CFAP20DC: variants seen among roughly 807,000 people sequenced by gnomAD.
CFAP20DC encodes CFAP20 domain containing, also known as protein CFAP20DC.
In CFAP20DC, 84 loss-of-function variants were observed where a neutral mutation model predicts 101.7. The observed-to-expected ratio is 0.83, with a 90% CI of 0.69 to 0.99. The LOEUF is 0.99. Among genes scored for constraint, CFAP20DC ranks in the 50% least tolerant of loss-of-function variants. The pLI is 0.00. For synonymous variants in CFAP20DC, 359 were observed against 351.2 expected (o/e 1.02, Z -0.25); for missense variants, 1,007 against 970.3 (o/e 1.04, Z -0.50).
At chr3:58,755,049 A>G (rs1382301672) in intron 15 of CFAP20DC, among the ~76,000 whole-genome samples, 2 of 152,176 alleles carry the variant, frequency 1.3e-5, no homozygotes, top group Non-Finnish European at 2.9e-5. Context: ...TGTTGGAACT[A>G]AACCGGTAAA....
At chr3:59,030,455 C>G (rs548575982) in intron 4 of CFAP20DC, among the ~76,000 whole-genome samples, 1 of 152,178 alleles carries the variant, frequency 6.6e-6, no homozygotes, top group African/African-American at 2.4e-5. Context: ...TGATAAATTC[C>G]CAAGGTCAGG....
At chr3:58,855,719 G>A (rs1575960295) in intron 12 of CFAP20DC, among the ~76,000 whole-genome samples, 1 of 151,456 alleles carries the variant, frequency 6.6e-6, no homozygotes, top group Non-Finnish European at 1.5e-5. Context: ...ATCATTCTCA[G>A]TAAACTATCA....
At chr3:59,025,231 A>G (rs1478013102) in intron 4 of CFAP20DC, among the ~76,000 whole-genome samples, 2 of 152,206 alleles carry the variant, frequency 1.3e-5, no homozygotes, top group Non-Finnish European at 2.9e-5. Flanking sequence ...AACAACAGCA[A>G]TCACTTTTTT....
At chr3:58,908,987 G>A (rs1446027206) in intron 6 of CFAP20DC, among the ~76,000 whole-genome samples, 1 of 152,112 alleles carries the variant, frequency 6.6e-6, no homozygotes, top group African/African-American at 2.4e-5. Context: ...TGGTTGCCAG[G>A]GGTTAGGGGA....
chr3:58,745,700 C>CTATA (rs1223535535), intron 16 of CFAP20DC, among the ~76,000 whole-genome samples: 2 of 152,112 alleles, frequency 1.3e-5, no homozygotes, highest in Non-Finnish European at 2.9e-5. Flanking sequence ...GAACTATAGG[C>CTATA]TATAACTTTC....
At chr3:58,906,469 T>C (rs1052801078) in intron 6 of CFAP20DC, among the ~76,000 whole-genome samples, 6 of 152,184 alleles carry the variant, frequency 3.9e-5, no homozygotes, top group Admixed American at 1.3e-4. Context: ...TATTGTATTA[T>C]ACCTTCTACC....
chr3:58,849,063 C>G lies in CFAP20DC; in HGVS notation c.1940G>C (p.Gly647Ala). Residue 647 changes from glycine to alanine, a missense_variant, in exon 13 of 17, where the codon GGG becomes GCG. Gly to Ala is a moderately conservative substitution (Grantham distance 60). Transcript: ENST00000482387. ...LNKTSLKEISGERLSSIPEAS... is the reference protein window; with the variant it reads ...LNKTSLKEISAERLSSIPEAS... Reference sequence around the variant, plus strand: ...TTCGGGGATCGAGCTCAGCCTTTCCCCTGAGATTTCTTTCAGGGAGGTTTT... The same window carrying G: ...TTCGGGGATCGAGCTCAGCCTTTCCGCTGAGATTTCTTTCAGGGAGGTTTT... The G allele has an allele frequency of 6.5e-7, 1 of 1,535,906 alleles. No individual in the cohort carries two copies.
At chr3:58,975,838 G>A (rs1295735597) in intron 4 of CFAP20DC, among the ~76,000 whole-genome samples, 1 of 151,808 alleles carries the variant, frequency 6.6e-6, no homozygotes, top group South Asian at 2.1e-4. Flanking sequence ...AAGGAACAGG[G>A]AGTAGCTCTG....
intron 6 of CFAP20DC, among the ~76,000 whole-genome samples, chr3:58,901,665 G>A (rs1397255084): frequency 6.6e-6 from 1 of 152,130 alleles, no homozygotes; most frequent in Non-Finnish European, 1.5e-5. Flanking sequence ...AGGTTTTGAT[G>A]TCTGAAGGGG....
chr3:58,989,131 G>A (rs909751339), intron 4 of CFAP20DC, among the ~76,000 whole-genome samples: 2 of 151,900 alleles, frequency 1.3e-5, no homozygotes, highest in African/African-American at 2.4e-5. Flanking sequence ...ATCAAAATCC[G>A]AAATTTCCAC....
intron 4 of CFAP20DC, among the ~76,000 whole-genome samples, chr3:58,988,387 T>C (rs764010214): frequency 3.3e-5 from 5 of 152,160 alleles, no homozygotes; most frequent in Non-Finnish European, 5.9e-5. Context: ...AAACTTAACA[T>C]GTAAAAGATT....
rs141866639 is a variant in CFAP20DC, at chr3:58,868,217, C to T, written c.1016-281G>A. Among the ~76,000 whole-genome samples, 2 of 152,172 alleles carry T rather than the reference C, an allele frequency of 1.3e-5. No homozygotes were observed. The highest frequency in any genetic ancestry group is 3.9e-4 in the East Asian group (2 of 5,184). ...GACTAATGTTAATCATACAACATGGCATATTAAAAAACATTACAAAATGAA... is the reference window on the plus strand; with the variant it reads ...GACTAATGTTAATCATACAACATGGTATATTAAAAAACATTACAAAATGAA... On this transcript the variant is annotated intron_variant, in intron 9 of 16. Coordinates refer to ENST00000482387, the MANE Select transcript of CFAP20DC (RefSeq NM_001394063.1). This position sits in a 1 kb window ranked among gnomAD's most constrained non-coding sequence, Gnocchi z 4.6.
At position 58,894,570 on chromosome 3, in the gene CFAP20DC, A is replaced by G. The variant is rs1182990640; in HGVS notation, c.551-9861T>C. Among the ~76,000 whole-genome samples, 1 of 152,164 alleles carries G rather than the reference A, an allele frequency of 6.6e-6. No homozygotes were observed. Among genetic ancestry groups the G allele is most frequent in the East Asian group, 1.9e-4 (1 of 5,176 alleles). On this transcript the variant is annotated intron_variant, in intron 6 of 16. Coordinates refer to ENST00000482387, the MANE Select transcript of CFAP20DC (RefSeq NM_001394063.1). The surrounding 1 kb of genome is among the most constrained non-coding windows in gnomAD (Gnocchi z 4.1). ...CTCCACCCCTGTGGCTCTGCAGGGT[A>G]TAGTCCCCATCTTAGATGCTTTCAT...
intron 13 of CFAP20DC, among the ~76,000 whole-genome samples, chr3:58,840,381 A>C (rs2077018391): frequency 6.6e-6 from 1 of 152,192 alleles, no homozygotes; most frequent in African/African-American, 2.4e-5. Flanking sequence ...CAAGACCTCA[A>C]GCAGGAAGCT....
At chr3:58,970,579 A>T (rs373806537) in intron 4 of CFAP20DC, 1 of 152,184 alleles carries the variant, frequency 6.6e-6, no homozygotes, top group Non-Finnish European at 1.5e-5. Context: ...GTAAATATAC[A>T]TTGTTTTAAG....
chr3:58,793,122 T>G (rs1385129556), intron 15 of CFAP20DC, among the ~76,000 whole-genome samples: 1 of 152,170 alleles, frequency 6.6e-6, no homozygotes, highest in Non-Finnish European at 1.5e-5. Flanking sequence ...CTTTATTATA[T>G]TATACTACCA....
At chr3:59,041,769 G>C (rs145910128) in intron 3 of CFAP20DC, among the ~76,000 whole-genome samples, 7 of 152,072 alleles carry the variant, frequency 4.6e-5, no homozygotes, top group African/African-American at 1.4e-4. Flanking sequence ...TTCATCATGG[G>C]CTATTCCATA....
chr3:58,943,203 T>C (rs983372673), intron 4 of CFAP20DC, among the ~76,000 whole-genome samples: 1 of 152,204 alleles, frequency 6.6e-6, no homozygotes, highest in Non-Finnish European at 1.5e-5. Flanking sequence ...AGCAGATCTC[T>C]CAGCACAGTG....
chr3:58,980,726 A>G (rs2092499763), intron 4 of CFAP20DC, among the ~76,000 whole-genome samples: 9 of 152,252 alleles, frequency 5.9e-5, no homozygotes, highest in Admixed American at 5.2e-4. Flanking sequence ...AGAGCCATCT[A>G]TGACAAACCC....
Sources: allele counts gnomAD v4.1 joint callset (sites outside exome capture counted in the v4.1 genomes callset), GRCh38; gene constraint gnomAD v4.1.1; non-coding constraint Gnocchi (gnomAD v3.1); transcripts MANE v1.5; gene names NCBI Gene and HGNC (gene_info 2026-07-23, HGNC 2026-07-21).